SERPINE2: variants seen among roughly 807,000 people sequenced by gnomAD.
SERPINE2 encodes the protein glia-derived nexin.
SERPINE2 carries 14 observed loss-of-function variants against 36.3 expected under a neutral mutation model. The ratio of observed to expected loss-of-function variants is 0.39; its 90% CI spans 0.25 to 0.60. The LOEUF (loss-of-function observed/expected upper bound fraction) is 0.60. Among genes scored for constraint, SERPINE2 ranks in the 20% least tolerant of loss-of-function variants. The pLI, the probability that SERPINE2 is intolerant of heterozygous loss-of-function variation, is 0.57. For synonymous variants in SERPINE2, 192 were observed against 191.8 expected (o/e 1.00, Z -0.01); for missense variants, 418 against 499.6 (o/e 0.84, Z 1.56).
At chr2:223,986,989 TG>T (rs1247441450) in intron 4 of SERPINE2, among the ~76,000 whole-genome samples, 2 of 152,156 alleles carry the variant, frequency 1.3e-5, no homozygotes, top group African/African-American at 4.8e-5. Flanking sequence ...TCTTTCTACC[TG>T]GTCACTCAAG....
intron 2 of SERPINE2, among the ~76,000 whole-genome samples, chr2:224,000,092 G>A (rs1691052641): frequency 6.6e-6 from 1 of 152,218 alleles, no homozygotes; most frequent in Non-Finnish European, 1.5e-5. Flanking sequence ...GCGAGGCACT[G>A]AAGGACACAA....
intron 1 of SERPINE2, among the ~76,000 whole-genome samples, chr2:224,008,964 A>T (rs750259768): frequency 6.6e-6 from 1 of 152,198 alleles, no homozygotes; most frequent in Non-Finnish European, 1.5e-5. Context: ...TCCCATGGCC[A>T]TCTAGACCGA....
chr2:224,018,097 C>T (rs748472003), intron 1 of SERPINE2, among the ~76,000 whole-genome samples: 45 of 152,100 alleles, frequency 3.0e-4, no homozygotes, highest in Non-Finnish European at 5.3e-4. Flanking sequence ...GAGGCCTTGC[C>T]CTCCCCAGGG....
chr2:224,036,708 C>G (rs1188741529), intron 1 of SERPINE2, among the ~76,000 whole-genome samples: 1 of 151,066 alleles, frequency 6.6e-6, no homozygotes, highest in Non-Finnish European at 1.5e-5. Context: ...GAGACTCTGG[C>G]CAGCTTGCAA....
chr2:224,028,000 A>G (rs1365533091), intron 1 of SERPINE2, among the ~76,000 whole-genome samples: 1 of 152,230 alleles, frequency 6.6e-6, no homozygotes, highest in African/African-American at 2.4e-5. Context: ...GAGTGAATAC[A>G]GAGACGACAC....
At chr2:224,022,637 C>G (rs1345308106) in intron 1 of SERPINE2, among the ~76,000 whole-genome samples, 1 of 152,142 alleles carries the variant, frequency 6.6e-6, no homozygotes, top group Non-Finnish European at 1.5e-5. Flanking sequence ...ACCACTAAAC[C>G]TCTTGTGCTA....
At chr2:223,978,367 T>C (rs192589984) in intron 7 of SERPINE2, 48 of 152,462 alleles carry the variant, frequency 3.1e-4, no homozygotes, top group African/African-American at 1.0e-3. Context: ...TTTCTGTATA[T>C]AAAGGCCCAG....
chr2:224,026,367 A>G lies in SERPINE2; in HGVS notation c.-23+12732T>C, dbSNP rs186845404. 3.7e-3 allele frequency among the ~76,000 whole-genome samples: 566 copies of G among 152,390 alleles called. 4 individuals carry two copies. Among genetic ancestry groups the G allele is most frequent in the African/African-American group, 0.013 (541 of 41,600 alleles). On this transcript the variant is annotated intron_variant, in intron 1 of 8. Transcript: ENST00000409304. ...TGGCAACTCTGAAGTTATAACCTCA[A>G]GAACAAGTACTAAATCTGTATTCAA...
intron 3 of SERPINE2, 79 bp from the exon 4 acceptor site, chr2:223,992,079 C>T: frequency 8.4e-7 from 1 of 1,194,334 alleles, no homozygotes; most frequent in South Asian, 1.3e-5. Context: ...CAGCTGTCAT[C>T]AGGTAGACTG....
chr2:224,012,602 CAA>C (rs35279856), intron 1 of SERPINE2, among the ~76,000 whole-genome samples: 266 of 135,610 alleles, frequency 2.0e-3, no homozygotes, highest in Middle Eastern at 3.6e-3. Context: ...GACTCCATCC[CAA>C]AAAAAAAAAA....
chr2:224,031,619 T>C (rs937714702), intron 1 of SERPINE2: 8 of 480,232 alleles, frequency 1.7e-5, no homozygotes, highest in African/African-American at 2.1e-5. Context: ...GCCATTGGTA[T>C]CGGGACGAGC....
chr2:224,037,998 C>T (rs560058173), intron 1 of SERPINE2, among the ~76,000 whole-genome samples: 1 of 152,228 alleles, frequency 6.6e-6, no homozygotes, highest in Non-Finnish European at 1.5e-5. Flanking sequence ...CTGCAAATAG[C>T]AAATAAGTAC....
chr2:224,024,271 T>A (rs956855040), intron 1 of SERPINE2, among the ~76,000 whole-genome samples: 1 of 152,130 alleles, frequency 6.6e-6, no homozygotes, highest in Non-Finnish European at 1.5e-5. Context: ...CTCAAAAAAA[T>A]TTTGTAAAAA....
intron 5 of SERPINE2, among the ~76,000 whole-genome samples, chr2:223,983,683 TGGAGATATATGCACAC>T (rs1487328689): frequency 9.6e-5 from 10 of 103,718 alleles, no homozygotes; most frequent in African/African-American, 3.4e-4. Flanking sequence ...TGGGGATATA[TGGAGATATATGCACAC>T]ACACACACAC....
At chr2:223,979,099 C>G (rs1005291047) in intron 7 of SERPINE2, 1 of 152,176 alleles carries the variant, frequency 6.6e-6, no homozygotes, top group African/African-American at 2.4e-5. Context: ...GTTTAAACCA[C>G]TCAGTCAACG....
At chr2:223,985,520 C>T (rs1013487218) in intron 4 of SERPINE2, among the ~76,000 whole-genome samples, 2 of 152,124 alleles carry the variant, frequency 1.3e-5, no homozygotes, top group African/African-American at 4.8e-5. Flanking sequence ...TACCTCTAGT[C>T]CTCATTTTGG....
chr2:224,018,987 A>G (rs1691894285), intron 1 of SERPINE2, among the ~76,000 whole-genome samples: 1 of 152,140 alleles, frequency 6.6e-6, no homozygotes, highest in Non-Finnish European at 1.5e-5. Flanking sequence ...TGACTTCTCC[A>G]TGCTCTTGCA....
chr2:223,986,813 T>C (rs1349735463), intron 4 of SERPINE2, among the ~76,000 whole-genome samples: 1 of 152,158 alleles, frequency 6.6e-6, no homozygotes, highest in Non-Finnish European at 1.5e-5. Flanking sequence ...TTAATAACCA[T>C]GAACCGCATC....
intron 1 of SERPINE2, among the ~76,000 whole-genome samples, chr2:224,023,259 T>C (rs1692074388): frequency 6.6e-6 from 1 of 152,236 alleles, no homozygotes; most frequent in Admixed American, 6.5e-5. Flanking sequence ...TCAGTCTCTC[T>C]GACCTGCAAT....
Sources: gnomAD v4.1 joint callset for allele counts (sites outside exome capture counted in the v4.1 genomes callset) on GRCh38, gnomAD v4.1.1 for gene constraint, MANE v1.5 for transcripts, NCBI Gene and HGNC (gene_info 2026-07-23, HGNC 2026-07-21) for gene names.